The following PCDH15 variants were observed in gnomAD, a reference collection of about 807,000 sequenced individuals.
The protein encoded by PCDH15 is protocadherin-15.
In PCDH15, 129 loss-of-function variants were observed where a neutral mutation model predicts 178.5. The observed-to-expected ratio is 0.72, with a 90% CI of 0.63 to 0.84. The LOEUF (loss-of-function observed/expected upper bound fraction) is 0.84, where lower values mean the gene tolerates loss of function less well. PCDH15 is among the 40% of genes least tolerant of loss of function. The pLI is 0.00. For missense variants in PCDH15, 2,230 were observed against 2,099.9 expected, an observed-to-expected ratio of 1.06 and a Z score of -1.21; for synonymous variants, 800 against 732.0, an observed-to-expected ratio of 1.09 and a Z score of -1.50.
chr10:55,607,929 C>CAGAGAGAGAGAG (rs758262078), intron 2 of PCDH15, among the ~76,000 whole-genome samples: 6 of 150,652 alleles, frequency 4.0e-5, no homozygotes, highest in Non-Finnish European at 7.4e-5. Context: ...CACACAGAGA[C>CAGAGAGAGAGAG]AGAGAGAGAG....
intron 1 of PCDH15, among the ~76,000 whole-genome samples, chr10:55,247,559 G>A (rs1393673449): frequency 6.6e-6 from 1 of 152,128 alleles, no homozygotes; most frequent in Non-Finnish European, 1.5e-5. Flanking sequence ...CTGTCAAACT[G>A]ATAGCTGAGT....
intron 2 of PCDH15, among the ~76,000 whole-genome samples, chr10:55,534,072 A>C (rs996122450): frequency 5.3e-5 from 8 of 152,080 alleles, no homozygotes; most frequent in African/African-American, 1.9e-4. Context: ...ACCATATACA[A>C]AAATTAACTC....
intron 2 of PCDH15, among the ~76,000 whole-genome samples, chr10:55,105,142 T>A (rs1842644753): frequency 6.6e-6 from 1 of 152,216 alleles, no homozygotes; most frequent in Non-Finnish European, 1.5e-5. Flanking sequence ...TTGCATAAGT[T>A]TTGATAAATT....
At chr10:54,408,604 T>C (rs1953019415) in intron 3 of PCDH15, among the ~76,000 whole-genome samples, 1 of 152,202 alleles carries the variant, frequency 6.6e-6, no homozygotes, top group Non-Finnish European at 1.5e-5. Flanking sequence ...CAAAACTTAT[T>C]CCAACTACCT....
At chr10:54,094,357 A>G (rs901739608) in intron 15 of PCDH15, among the ~76,000 whole-genome samples, 4 of 152,194 alleles carry the variant, frequency 2.6e-5, no homozygotes, top group African/African-American at 9.6e-5. Flanking sequence ...AAGGACATAT[A>G]TGGAGAGCAG....
chr10:55,137,236 T>G (rs985020642), intron 2 of PCDH15, among the ~76,000 whole-genome samples: 2 of 152,178 alleles, frequency 1.3e-5, no homozygotes, highest in Non-Finnish European at 2.9e-5. Context: ...AATGGTTGTC[T>G]CATAAGACTA....
intron 2 of PCDH15, among the ~76,000 whole-genome samples, chr10:55,147,450 A>G (rs1005163440): frequency 2.2e-5 from 3 of 133,954 alleles, no homozygotes; most frequent in Non-Finnish European, 5.0e-5. Context: ...CCTAATTTCA[A>G]TTTTTAAAAA....
At chr10:55,411,952 A>G (rs754906940) in intron 2 of PCDH15, among the ~76,000 whole-genome samples, 4 of 152,106 alleles carry the variant, frequency 2.6e-5, no homozygotes, top group Non-Finnish European at 5.9e-5. Flanking sequence ...AGATAGGTAG[A>G]TAAACTGTGA....
intron 32 of PCDH15, chr10:53,822,874 T>C (rs2076391822): frequency 1.2e-6 from 2 of 1,614,012 alleles, no homozygotes; most frequent in African/African-American, 1.3e-5. Flanking sequence ...CTACCTCTTT[T>C]GTTTGTACAG....
intron 25 of PCDH15, among the ~76,000 whole-genome samples, chr10:53,921,444 A>G (rs567136284): frequency 6.6e-6 from 1 of 152,144 alleles, no homozygotes; most frequent in African/African-American, 2.4e-5. Context: ...TGGCCTCAGA[A>G]GTCCATTTTC....
At chr10:54,867,596 G>C (rs1205257676) in intron 3 of PCDH15, among the ~76,000 whole-genome samples, 2 of 152,040 alleles carry the variant, frequency 1.3e-5, no homozygotes, top group Non-Finnish European at 2.9e-5. Context: ...TTTTCAAGAA[G>C]ATATGGGTTC....
At chr10:54,691,286 T>G (rs1426732243) in intron 1 of PCDH15, among the ~76,000 whole-genome samples, 4 of 152,084 alleles carry the variant, frequency 2.6e-5, no homozygotes, top group African/African-American at 9.7e-5. Flanking sequence ...GTAATCTACA[T>G]AGTTCCTTGC....
intron 3 of PCDH15, among the ~76,000 whole-genome samples, chr10:54,418,414 T>G (rs917536609): frequency 6.6e-5 from 10 of 152,050 alleles, no homozygotes; most frequent in African/African-American, 2.2e-4. Context: ...TTCAAATGTC[T>G]GCAATTATCC....
chr10:54,078,193 TGTATAA>T (rs1262685506), intron 17 of PCDH15, among the ~76,000 whole-genome samples: 6 of 152,304 alleles, frequency 3.9e-5, no homozygotes, highest in South Asian at 2.1e-4. Flanking sequence ...TTTTATTATA[TGTATAA>T]GTATGTTTAT....
chr10:54,984,241 C>G (rs1289800510), intron 2 of PCDH15, among the ~76,000 whole-genome samples: 1 of 152,110 alleles, frequency 6.6e-6, no homozygotes, highest in Admixed American at 6.6e-5. Context: ...CTCTTCTCCC[C>G]ACAAGTGAGG....
Position 53,812,587 on chromosome 10 carries a change from C to T in PCDH15, c.4492-968G>A, listed in dbSNP as rs565465387. On this transcript the variant is annotated intron_variant, in intron 35 of 37. Coordinates refer to ENST00000644397, the MANE Select transcript of PCDH15 (RefSeq NM_001384140.1). Reference sequence around the variant, plus strand: ...TCCTTTTAATATTTCCAGTTCTAAACTCTAAACATACTGATTGATTTCTGT... The same window carrying T: ...TCCTTTTAATATTTCCAGTTCTAAATTCTAAACATACTGATTGATTTCTGT... Among the ~76,000 whole-genome samples, 78 of 152,232 alleles carry T rather than the reference C, an allele frequency of 5.1e-4. 1 individual carries two copies. The highest frequency in any genetic ancestry group is 8.8e-4 in the Non-Finnish European group (60 of 68,002).
intron 2 of PCDH15, among the ~76,000 whole-genome samples, chr10:55,055,524 T>C (rs1402390325): frequency 6.6e-6 from 1 of 151,950 alleles, no homozygotes; most frequent in African/African-American, 2.4e-5. Context: ...AGGGTGAGGT[T>C]GGGTGAGGTG....
At chr10:55,069,383 C>T (rs1157449804) in intron 2 of PCDH15, among the ~76,000 whole-genome samples, 1 of 146,174 alleles carries the variant, frequency 6.8e-6, no homozygotes, top group Non-Finnish European at 1.5e-5. Context: ...CCCATTAACT[C>T]GTCATTTAGC....
chr10:54,443,840 T>C (rs2075985939), intron 3 of PCDH15, among the ~76,000 whole-genome samples: 1 of 151,688 alleles, frequency 6.6e-6, no homozygotes. Flanking sequence ...CTCACCATTG[T>C]CTCTTTTCCC....
Sources: gnomAD v4.1 joint callset for allele counts (sites outside exome capture counted in the v4.1 genomes callset) on GRCh38, gnomAD v4.1.1 for gene constraint, MANE v1.5 for transcripts, NCBI Gene and HGNC (gene_info 2026-07-23, HGNC 2026-07-21) for gene names.